NLRP1: variants seen among roughly 807,000 people sequenced by gnomAD.
The protein encoded by NLRP1 is NACHT, LRR and PYD domains-containing protein 1.
NLRP1 carries 94 observed loss-of-function variants against 136.7 expected under a neutral mutation model. That is an observed-to-expected ratio of 0.69 (90% CI 0.58 to 0.82). The LOEUF is 0.82. Among genes scored for constraint, NLRP1 ranks in the 40% least tolerant of loss-of-function variants. NLRP1 has a pLI of 0.00. For missense variants in NLRP1, 1,575 were observed against 1,802.7 expected, an observed-to-expected ratio of 0.87 and a Z score of 2.29; for synonymous variants, 690 against 725.1, an observed-to-expected ratio of 0.95 and a Z score of 0.78.
Position 5,536,854 on chromosome 17 carries a change from C to T in NLRP1, c.2957G>A (p.Arg986Lys). ...GGAGTTCTGGGTCCCCCCTTACCGT[C>T]TGCTGAAGATGAGCAGCTGAGGTTT... ...QEKPQLLIFSRRKPSVMTPTE... is the reference protein window; with the variant it reads ...QEKPQLLIFSKRKPSVMTPTE... Residue 986 changes from arginine to lysine, a missense_variant, in exon 8 of 17, where the codon AGA becomes AAA. Arg to Lys is a conservative substitution (Grantham distance 26). Transcript: ENST00000572272. 6.2e-7 allele frequency: 1 copy of T among 1,611,166 alleles called. No homozygotes were observed. Among genetic ancestry groups the T allele is most frequent in the Non-Finnish European group, 8.5e-7 (1 of 1,177,368 alleles).
intron 1 of NLRP1, 40 bp from the exon 2 acceptor site, chr17:5,582,886 G>C (rs372586142): frequency 1.3e-6 from 2 of 1,520,604 alleles, no homozygotes; most frequent in African/African-American, 2.7e-5. Context: ...CACATCAGAG[G>C]GGCAGGGGCA....
In NLRP1 at chr17:5,549,693, C is replaced by T. The variant is rs115231154; in HGVS notation, c.2528+3693G>A. Among the ~76,000 whole-genome samples the T allele has an allele frequency of 9.1e-3, 1,379 of 152,268 alleles. 8 individuals carry two copies. The highest frequency in any genetic ancestry group is 0.041 in the Middle Eastern group (12 of 294). ...ATCTGGAAGCTGTTAATTTCATTTT[C>T]TTGCTTAATTACTCTGGATGGAACC... On this transcript the variant is annotated intron_variant, in intron 5 of 16. Coordinates refer to ENST00000572272, the MANE Select transcript of NLRP1 (RefSeq NM_033004.4).
chr17:5,501,756 C>T, exon 16 of NLRP1: 1 of 1,457,890 alleles, frequency 6.9e-7, no homozygotes, highest in Non-Finnish European at 9.6e-7. Flanking sequence ...ACTCAGGCCT[C>T]CTTGTCATCC....
At chr17:5,545,048 G>A (rs1912395492) in intron 5 of NLRP1, among the ~76,000 whole-genome samples, 1 of 152,132 alleles carries the variant, frequency 6.6e-6, no homozygotes, top group African/African-American at 2.4e-5. Flanking sequence ...AAAAATCTCT[G>A]TCTTTCCTTG....
At chr17:5,533,044 A>G (rs1484242545) in intron 10 of NLRP1, 60 bp from the exon 11 acceptor site, 56 of 1,528,900 alleles carry the variant, frequency 3.7e-5, no homozygotes, top group East Asian at 4.5e-5. Context: ...CCTAGCCCCT[A>G]TGGCTGCACT....
chr17:5,560,685 G>A lies in NLRP1; in HGVS notation c.653-642C>T, dbSNP rs115831068. Among the ~76,000 whole-genome samples the A allele has an allele frequency of 8.5e-4, 129 of 152,298 alleles. 1 individual carries two copies. Among genetic ancestry groups the A allele is most frequent in the African/African-American group, 2.3e-3 (97 of 41,554 alleles). On this transcript the variant is annotated intron_variant, in intron 3 of 16. Coordinates refer to ENST00000572272, the MANE Select transcript of NLRP1 (RefSeq NM_033004.4). ...GATAACACTCAGGCATGTTCTCACCGTCTCCCAGACAACCGCAGCAGCATG... is the reference window on the plus strand; with the variant it reads ...GATAACACTCAGGCATGTTCTCACCATCTCCCAGACAACCGCAGCAGCATG...
At chr17:5,574,348 G>A (rs1366914180) in intron 3 of NLRP1, among the ~76,000 whole-genome samples, 2 of 152,216 alleles carry the variant, frequency 1.3e-5, no homozygotes, top group East Asian at 3.8e-4. Flanking sequence ...ACCTGAAAGT[G>A]ACGGGGAGAA....
intron 3 of NLRP1, among the ~76,000 whole-genome samples, chr17:5,564,732 G>A (rs543452968): frequency 1.9e-4 from 17 of 90,912 alleles, no homozygotes; most frequent in Admixed American, 2.5e-4. Flanking sequence ...TCAATTTTTA[G>A]TGTTTTTTTT....
chr17:5,545,586 T>C lies in NLRP1; in HGVS notation c.2529-3559A>G, dbSNP rs545063574. ...CACACACACGACTCAGTATGTGGCA[T>C]TGTAGAGCACTTGGATTTTAGAGTG... On this transcript the variant is annotated intron_variant, in intron 5 of 16. Transcript: ENST00000572272. Among the ~76,000 whole-genome samples the C allele has an allele frequency of 1.4e-4, 22 of 152,142 alleles. No homozygotes were observed. The South Asian group carries it at 1.9e-3, about 13-fold the overall frequency.
At chr17:5,546,425 C>T (rs544054197) in intron 5 of NLRP1, among the ~76,000 whole-genome samples, 2 of 152,282 alleles carry the variant, frequency 1.3e-5, no homozygotes, top group Non-Finnish European at 2.9e-5. Context: ...GCCAAGGGTC[C>T]ACCCTCATGT....
intron 3 of NLRP1, among the ~76,000 whole-genome samples, chr17:5,572,546 T>TA (rs1246037150): frequency 6.6e-6 from 1 of 151,736 alleles, no homozygotes; most frequent in Non-Finnish European, 1.5e-5. Flanking sequence ...CCATCTCTAC[T>TA]AAAAAATACA....
Position 5,583,560 on chromosome 17 carries a change from G to A in NLRP1, c.271+127C>T. On this transcript the variant is annotated intron_variant, in intron 1 of 16. Coordinates refer to ENST00000572272, the MANE Select transcript of NLRP1 (RefSeq NM_033004.4). This position sits in a 1 kb window ranked among gnomAD's most constrained non-coding sequence, Gnocchi z 4.5. ...GGGGCCTGGATCCCCCTTTGAGAGGGCAGTTCCATGTCACTGCTCAGAGGA... is the reference window on the plus strand; with the variant it reads ...GGGGCCTGGATCCCCCTTTGAGAGGACAGTTCCATGTCACTGCTCAGAGGA... 1 of 985,042 alleles carries A rather than the reference G, an allele frequency of 1.0e-6. No homozygotes were observed. The allele number at this position is 985,042 out of a possible 1,614,324, so 61.0% of individuals were successfully genotyped here. A position where few individuals can be genotyped will look rare whatever the true frequency, so the allele number is the denominator to read the frequency against.
chr17:5,560,105 T>A, intron 3 of NLRP1, 62 bp from the exon 4 acceptor site: 1 of 1,409,678 alleles, frequency 7.1e-7, no homozygotes, highest in Non-Finnish European at 9.4e-7. Context: ...ATTAATTAAT[T>A]AAACAACTGT....
intron 3 of NLRP1, among the ~76,000 whole-genome samples, chr17:5,565,804 A>G (rs1028964083): frequency 6.6e-6 from 1 of 152,148 alleles, no homozygotes; most frequent in Non-Finnish European, 1.5e-5. Flanking sequence ...GAAGCCATCC[A>G]GTCCTTGGCT....
At chr17:5,555,457 C>T (rs9675332) in intron 4 of NLRP1, among the ~76,000 whole-genome samples, 30,379 of 152,094 alleles carry the variant, frequency 0.2, 4,167 homozygotes, top group East Asian at 0.72. Flanking sequence ...GACTTTCCCA[C>T]GGCATTCTCT....
chr17:5,523,515 A>G (rs753597046), intron 12 of NLRP1, among the ~76,000 whole-genome samples: 19 of 152,324 alleles, frequency 1.2e-4, no homozygotes, highest in Admixed American at 3.3e-4. Context: ...TCTATGAGTT[A>G]GTCAATAACC....
chr17:5,539,331 C>T, intron 7 of NLRP1, 84 bp downstream of exon 7: 1 of 1,338,798 alleles, frequency 7.5e-7, no homozygotes, highest in Non-Finnish European at 1.0e-6. Flanking sequence ...GTTGGCTATG[C>T]ATTTATCAGT....
rs183744133 is a variant in NLRP1, at chr17:5,574,610, C to T, written c.652+7249G>A. On this transcript the variant is annotated intron_variant, in intron 3 of 16. Coordinates refer to ENST00000572272, the MANE Select transcript of NLRP1 (RefSeq NM_033004.4). ...CCCATCAGACTAACAGTGGATCTCT[C>T]GGCAGAAACTCTACAAGCCAGAAGA... Among the ~76,000 whole-genome samples, 436 of 151,418 alleles carry T rather than the reference C, an allele frequency of 2.9e-3. 2 individuals carry two copies. Among genetic ancestry groups the T allele is most frequent in the African/African-American group, 9.8e-3 (405 of 41,274 alleles).
At chr17:5,540,779 A>C (rs1298401069) in intron 6 of NLRP1, among the ~76,000 whole-genome samples, 1 of 152,098 alleles carries the variant, frequency 6.6e-6, no homozygotes. Flanking sequence ...CCTTCCCATC[A>C]ACTCTTGATC....
Sources: allele counts gnomAD v4.1 joint callset (sites outside exome capture counted in the v4.1 genomes callset), GRCh38; gene constraint gnomAD v4.1.1; non-coding constraint Gnocchi (gnomAD v3.1); transcripts MANE v1.5; gene names NCBI Gene and HGNC (gene_info 2026-07-23, HGNC 2026-07-21).